The following ZNF532 variants were observed in gnomAD, a reference collection of about 807,000 sequenced individuals.
ZNF532 encodes zinc finger protein 532.
Under a neutral mutation model 89.3 loss-of-function variants are expected in ZNF532, and 22 were observed. The observed-to-expected ratio is 0.25, with a 90% confidence interval of 0.18 to 0.35. The LOEUF is 0.35. Ranked by LOEUF, ZNF532 falls within the 10% of genes least tolerant of loss-of-function variation. ZNF532 has a pLI of 1.00. For synonymous variants in ZNF532, 606 were observed against 649.6 expected (o/e 0.93, Z 1.02); for missense variants, 1,132 against 1,643.4 (o/e 0.69, Z 5.38).
intron 8 of ZNF532, 26 bp downstream of exon 8, chr18:58,979,193 C>T (rs376385723): frequency 6.3e-7 from 1 of 1,586,480 alleles, no homozygotes; most frequent in African/African-American, 1.3e-5. Context: ...TAACGGAACG[C>T]AGTGAGAGGA....
At chr18:58,918,204 T>C (rs2060746244) in intron 2 of ZNF532, 67 bp from the exon 3 acceptor site, 5 of 1,390,494 alleles carry the variant, frequency 3.6e-6, no homozygotes, top group Non-Finnish European at 4.9e-6. Context: ...GTGAATTGTA[T>C]AGGGGTTTTA....
upstream of ZNF532, chr18:58,864,214 C>G (rs1413025390): frequency 6.6e-6 from 1 of 150,880 alleles, no homozygotes; most frequent in Non-Finnish European, 1.5e-5. Context: ...CTTCTCCCCC[C>G]AGGTGCTTGA....
At chr18:58,888,745 ATATATATATAAAATTAATATATATAATTT>A (rs1568245604) in intron 2 of ZNF532, among the ~76,000 whole-genome samples, 3 of 47,118 alleles carry the variant, frequency 6.4e-5, no homozygotes, top group African/African-American at 3.6e-4. Flanking sequence ...TATATATTTT[ATATATATATAAAATTAATATATATAATTT>A]ATATATATAT....
At chr18:58,950,901 G>T (rs545501631) in intron 6 of ZNF532, among the ~76,000 whole-genome samples, 1 of 152,186 alleles carries the variant, frequency 6.6e-6, no homozygotes, top group East Asian at 1.9e-4. Flanking sequence ...ACCTTCCAGA[G>T]CGCTGAAATT....
At chr18:58,948,330 T>A in intron 6 of ZNF532, 101 bp downstream of exon 6, 1 of 1,238,942 alleles carries the variant, frequency 8.1e-7, no homozygotes, top group East Asian at 2.4e-5. Context: ...TGCCTCACTG[T>A]CGAGGGAAGG....
At chr18:58,915,476 T>C (rs1350630266) in intron 2 of ZNF532, among the ~76,000 whole-genome samples, 5 of 151,842 alleles carry the variant, frequency 3.3e-5, no homozygotes, top group Admixed American at 3.3e-4. Flanking sequence ...GGAGAAAGAG[T>C]TGCTTCTCAA....
chr18:58,960,337 A>G (rs1313506891), intron 7 of ZNF532, among the ~76,000 whole-genome samples: 1 of 152,246 alleles, frequency 6.6e-6, no homozygotes, highest in Non-Finnish European at 1.5e-5. Flanking sequence ...GGTGTGAGCC[A>G]TTGTACTGGG....
chr18:58,926,831 A>T (rs1044377866), intron 3 of ZNF532, among the ~76,000 whole-genome samples: 1 of 152,078 alleles, frequency 6.6e-6, no homozygotes, highest in Non-Finnish European at 1.5e-5. Context: ...TGGATAGATT[A>T]TACTGATTTT....
intron 4 of ZNF532, 66 bp downstream of exon 4, chr18:58,934,680 T>G (rs2062226199): frequency 6.7e-7 from 1 of 1,483,718 alleles, no homozygotes; most frequent in Middle Eastern, 1.8e-4. Context: ...GCATTTTGAG[T>G]GGTTTGCACA....
chr18:58,983,362 T>A (rs548985003), intron 9 of ZNF532, among the ~76,000 whole-genome samples: 15 of 152,058 alleles, frequency 9.9e-5, no homozygotes, highest in South Asian at 2.1e-4. Flanking sequence ...ATCCTGACAC[T>A]CTCTCCCACA....
At chr18:58,939,895 A>T (rs1370891073) in intron 5 of ZNF532, 9 of 190,246 alleles carry the variant, frequency 4.7e-5, no homozygotes, top group South Asian at 1.2e-4. Flanking sequence ...CTTAAGATGA[A>T]TTTTTTTTTT....
At chr18:58,887,671 C>T (rs2058397361) in intron 2 of ZNF532, among the ~76,000 whole-genome samples, 1 of 151,988 alleles carries the variant, frequency 6.6e-6, no homozygotes, top group African/African-American at 2.4e-5. Flanking sequence ...AACACAAAAC[C>T]ACAAACCAAA....
chr18:58,942,325 C>CCCTCCCTCCCTCCCTT (rs1568382586), intron 5 of ZNF532, among the ~76,000 whole-genome samples: 2 of 34,880 alleles, frequency 5.7e-5, no homozygotes, highest in African/African-American at 2.4e-4. Context: ...CCTGGCCCCT[C>CCCTCCCTCCCTCCCTT]CCTCCCTCCC....
upstream of ZNF532, chr18:58,863,643 A>G (rs574233817): frequency 2.2e-3 from 249 of 113,378 alleles, no homozygotes; most frequent in Non-Finnish European, 3.2e-3. Flanking sequence ...CGACAGCAGC[A>G]GCAGCCACAG....
intron 2 of ZNF532, among the ~76,000 whole-genome samples, chr18:58,915,202 A>T (rs1050860488): frequency 6.6e-6 from 1 of 152,234 alleles, no homozygotes; most frequent in Non-Finnish European, 1.5e-5. Flanking sequence ...CAGGCACCAC[A>T]GTGATCTCGG....
intron 2 of ZNF532, among the ~76,000 whole-genome samples, chr18:58,898,902 G>T (rs1322305099): frequency 6.6e-6 from 1 of 152,206 alleles, no homozygotes; most frequent in Non-Finnish European, 1.5e-5. Context: ...TCCTTGTTTG[G>T]CCAGTTTCCA....
intron 2 of ZNF532, among the ~76,000 whole-genome samples, chr18:58,910,829 T>C (rs1207087484): frequency 1.3e-5 from 2 of 151,700 alleles, no homozygotes; most frequent in African/African-American, 4.8e-5. Flanking sequence ...CTACCACATT[T>C]GTGATACAGA....
intron 9 of ZNF532, among the ~76,000 whole-genome samples, chr18:58,983,601 C>G (rs958905019): frequency 3.2e-5 from 4 of 126,910 alleles, no homozygotes; most frequent in South Asian, 2.2e-4. Flanking sequence ...ACACATATAC[C>G]CCCCCCTTGC....
chr18:58,885,159 T>G (rs906115266), intron 2 of ZNF532, among the ~76,000 whole-genome samples: 2 of 152,106 alleles, frequency 1.3e-5, no homozygotes, highest in Non-Finnish European at 2.9e-5. Context: ...TGGCTAATTT[T>G]TATATTTTTA....
Sources: allele counts gnomAD v4.1 joint callset (sites outside exome capture counted in the v4.1 genomes callset), GRCh38; gene constraint gnomAD v4.1.1; transcripts MANE v1.5; gene names NCBI Gene and HGNC (gene_info 2026-07-23, HGNC 2026-07-21).